The following USP45 variants were observed in gnomAD, a reference collection of about 807,000 sequenced individuals.
USP45 encodes the protein ubiquitin specific peptidase 45.
USP45 carries 89 observed loss-of-function variants against 95.8 expected under a neutral mutation model. That is an observed-to-expected ratio of 0.93 (90% confidence interval 0.78 to 1.11). The LOEUF (loss-of-function observed/expected upper bound fraction) is 1.11, where lower values mean the gene tolerates loss of function less well. Among genes scored for constraint, USP45 ranks in the 50% least tolerant of loss-of-function variants. The probability of loss-of-function intolerance (pLI) is 0.00; values close to 1 mark genes in which losing one functional copy is unlikely to be tolerated. For synonymous variants in USP45, 281 were observed against 316.2 expected, an observed-to-expected ratio of 0.89 and a Z score of 1.18; for missense variants, 898 against 942.5, an observed-to-expected ratio of 0.95 and a Z score of 0.62.
intron 8 of USP45, among the ~76,000 whole-genome samples, chr6:99,482,102 A>G (rs1792572232): frequency 6.6e-6 from 1 of 152,176 alleles, no homozygotes; most frequent in South Asian, 2.1e-4. Context: ...TTCCTTCTAC[A>G]TATTTTAGTA....
At chr6:99,487,760 A>G (rs572023764) in intron 7 of USP45, among the ~76,000 whole-genome samples, 200 of 151,926 alleles carry the variant, frequency 1.3e-3, no homozygotes, top group African/African-American at 4.4e-3. Context: ...GCGCCACTGC[A>G]CTCCAGCCTG....
intron 16 of USP45, among the ~76,000 whole-genome samples, chr6:99,439,327 C>G (rs1472938313): frequency 6.6e-6 from 1 of 152,206 alleles, no homozygotes. Context: ...AAGTATCACA[C>G]TCCGCTGACA....
chr6:99,460,862 A>T, intron 13 of USP45: 2 of 975,922 alleles, frequency 2.0e-6, no homozygotes, highest in Non-Finnish European at 1.2e-6. Context: ...AAGATGGAAC[A>T]CAAAAATTAT....
chr6:99,502,513 T>C (rs975445581), intron 5 of USP45, among the ~76,000 whole-genome samples: 1 of 152,216 alleles, frequency 6.6e-6, no homozygotes, highest in Non-Finnish European at 1.5e-5. Flanking sequence ...TGTGGGCAAC[T>C]GTGCCCTTAG....
chr6:99,515,936 G>C (rs545834271), upstream of USP45, among the ~76,000 whole-genome samples: 18 of 151,954 alleles, frequency 1.2e-4, no homozygotes, highest in Middle Eastern at 6.8e-3. Context: ...CATCACGCCC[G>C]GCTAATTTTT....
intron 5 of USP45, among the ~76,000 whole-genome samples, chr6:99,495,112 T>C (rs1241255754): frequency 6.6e-6 from 1 of 152,186 alleles, no homozygotes; most frequent in Non-Finnish European, 1.5e-5. Context: ...AAGTTAAATA[T>C]GGAATTATGG....
intron 6 of USP45, 131 bp from the exon 7 acceptor site, chr6:99,488,426 A>T (rs1794475472): frequency 1.4e-6 from 1 of 696,130 alleles, no homozygotes. Flanking sequence ...TTAGTTGAGT[A>T]CATTTTACAT....
intron 5 of USP45, among the ~76,000 whole-genome samples, chr6:99,495,552 G>A (rs1048441484): frequency 6.6e-5 from 10 of 152,164 alleles, no homozygotes; most frequent in African/African-American, 2.4e-4. Flanking sequence ...GTATACTGCT[G>A]GTTAGTGTTG....
Position 99,488,111 on chromosome 6 carries a change from G to A in USP45, c.714+89C>T, listed in dbSNP as rs561761334. On this transcript the variant is annotated intron_variant, in intron 7 of 17. Transcript: ENST00000500704. ...TTTAAGCCCCCTGGCTACTATCTTA[G>A]TTGACTGATCTGCGAATTAGGAAAA... The A allele has an allele frequency of 6.2e-6, 5 of 811,412 alleles. No homozygotes were observed. In the East Asian group the frequency reaches 1.0e-4, roughly 17 times the overall value. 50.3% of individuals were successfully genotyped at this position (811,412 alleles called of 1,614,324 possible).
intron 13 of USP45, among the ~76,000 whole-genome samples, chr6:99,453,847 C>G (rs2128583918): frequency 6.6e-6 from 1 of 152,246 alleles, no homozygotes; most frequent in African/African-American, 2.4e-5. Context: ...GTAATCCCAG[C>G]TACTTGGGAG....
At chr6:99,452,945 C>G (rs1391573998) in intron 13 of USP45, among the ~76,000 whole-genome samples, 13 of 152,060 alleles carry the variant, frequency 8.5e-5, no homozygotes, top group African/African-American at 3.1e-4. Flanking sequence ...CCAAACACTG[C>G]ATGTTCTCAC....
At position 99,450,184 on chromosome 6, in the gene USP45, G is replaced by A. The variant is rs547866455; in HGVS notation, c.1309-3721C>T. ...AAGGCAAGAAATAACTAAGATCAGA[G>A]CAGAACTGAAAGAGATAGAGACACA... On this transcript the variant is annotated intron_variant, in intron 13 of 17. Coordinates refer to ENST00000500704, the MANE Select transcript of USP45 (RefSeq NM_001346022.3). Among the ~76,000 whole-genome samples, 35 of 152,092 alleles carry A rather than the reference G, an allele frequency of 2.3e-4. No homozygotes were observed. The South Asian group carries it at 7.0e-3, about 31-fold the overall frequency.
At chr6:99,484,914 T>C (rs1447929393) in intron 7 of USP45, among the ~76,000 whole-genome samples, 3 of 152,140 alleles carry the variant, frequency 2.0e-5, no homozygotes, top group African/African-American at 7.2e-5. Context: ...GGGTCAAAAG[T>C]AAAATCTAAG....
intron 17 of USP45, among the ~76,000 whole-genome samples, chr6:99,436,147 C>T (rs1050335864): frequency 6.6e-6 from 1 of 152,046 alleles, no homozygotes; most frequent in Non-Finnish European, 1.5e-5. Context: ...TGCTATCCCT[C>T]CCCTAGCCCC....
chr6:99,488,569 A>G, intron 6 of USP45, 112 bp downstream of exon 6: 1 of 1,217,682 alleles, frequency 8.2e-7, no homozygotes, highest in Non-Finnish European at 1.1e-6. Flanking sequence ...AGGAAAACAG[A>G]GAAATTTCTA....
chr6:99,477,113 A>T (rs985395955), intron 8 of USP45, among the ~76,000 whole-genome samples: 1 of 152,238 alleles, frequency 6.6e-6, no homozygotes, highest in Non-Finnish European at 1.5e-5. Flanking sequence ...ATTATAGTAG[A>T]AGACACATTT....
intron 13 of USP45, among the ~76,000 whole-genome samples, chr6:99,454,940 A>G (rs924369200): frequency 6.6e-6 from 1 of 151,956 alleles, no homozygotes; most frequent in Non-Finnish European, 1.5e-5. Flanking sequence ...ATACAAAAAA[A>G]TAAGCCCGGT....
chr6:99,449,203 C>CA (rs1387842275), intron 13 of USP45, among the ~76,000 whole-genome samples: 1 of 152,106 alleles, frequency 6.6e-6, no homozygotes, highest in Non-Finnish European at 1.5e-5. Context: ...CTAAATGCTC[C>CA]AATTAAAAGA....
Position 99,470,214 on chromosome 6 carries a change from T to C in USP45, c.934-1596A>G, listed in dbSNP as rs991215520. On this transcript the variant is annotated intron_variant, in intron 9 of 17. Coordinates refer to ENST00000500704, the MANE Select transcript of USP45 (RefSeq NM_001346022.3). ...TTCTGCCATTATAACATGCTTTTAA[T>C]CTAAGAACACAATATTATATGGAGA... Among the ~76,000 whole-genome samples, 3 of 152,156 alleles carry C rather than the reference T, an allele frequency of 2.0e-5. No homozygotes were observed. In the East Asian group the frequency reaches 5.8e-4, roughly 29 times the overall value.
Sources: gnomAD v4.1 joint callset for allele counts (sites outside exome capture counted in the v4.1 genomes callset) on GRCh38, gnomAD v4.1.1 for gene constraint, MANE v1.5 for transcripts, NCBI Gene and HGNC (gene_info 2026-07-23, HGNC 2026-07-21) for gene names.